NKD1: variants seen among roughly 807,000 people sequenced by gnomAD.
The protein encoded by NKD1 is protein naked cuticle homolog 1.
Under a neutral mutation model 56.0 loss-of-function variants are expected in NKD1, and 21 were observed. That is an observed-to-expected ratio of 0.38 (90% CI 0.27 to 0.54). The LOEUF (loss-of-function observed/expected upper bound fraction) is 0.54. NKD1 is among the 20% of genes least tolerant of loss of function. NKD1 has a pLI of 0.82. For synonymous variants in NKD1, 263 were observed against 265.7 expected (o/e 0.99, Z 0.10); for missense variants, 578 against 642.7 (o/e 0.90, Z 1.09).
intron 3 of NKD1, chr16:50,554,028 T>C (rs1336334361): frequency 6.6e-6 from 1 of 152,294 alleles, no homozygotes; most frequent in African/African-American, 2.4e-5. Flanking sequence ...CTTAGCGCTT[T>C]AATGGGTCTT....
chr16:50,630,100 T>C, intron 6 of NKD1, 86 bp from the exon 7 acceptor site: 6 of 1,316,070 alleles, frequency 4.6e-6, no homozygotes, highest in Non-Finnish European at 2.2e-6. Flanking sequence ...GGTTCAGGCC[T>C]GCAGCGTCCA....
intron 3 of NKD1, chr16:50,552,214 A>G (rs926229765): frequency 6.6e-6 from 1 of 152,248 alleles, no homozygotes; most frequent in African/African-American, 2.4e-5. Context: ...TTAAGTGCCT[A>G]TATGTGTCAA....
chr16:50,584,080 G>A (rs1053629904), intron 3 of NKD1, among the ~76,000 whole-genome samples: 18 of 152,228 alleles, frequency 1.2e-4, no homozygotes, highest in Non-Finnish European at 8.8e-5. Context: ...TCTGCGAGTA[G>A]GTGGGAGCTG....
At chr16:50,590,342 A>G (rs1961338202) in intron 3 of NKD1, among the ~76,000 whole-genome samples, 1 of 152,262 alleles carries the variant, frequency 6.6e-6, no homozygotes, top group Admixed American at 6.5e-5. Flanking sequence ...TGATGGAGGA[A>G]GAAAAAAATC....
intron 4 of NKD1, among the ~76,000 whole-genome samples, chr16:50,616,284 A>G (rs1961958878): frequency 6.6e-6 from 1 of 152,198 alleles, no homozygotes; most frequent in South Asian, 2.1e-4. Context: ...TTGAATTGTT[A>G]GTAATTTCTG....
intron 3 of NKD1, chr16:50,572,809 C>G (rs988181901): frequency 1.1e-6 from 1 of 874,636 alleles, no homozygotes; most frequent in African/African-American, 1.8e-5. Flanking sequence ...AAGCCAGTTT[C>G]TTTCAAGCCC....
chr16:50,579,113 A>G (rs1308151205), intron 3 of NKD1, among the ~76,000 whole-genome samples: 1 of 151,316 alleles, frequency 6.6e-6, no homozygotes, highest in Non-Finnish European at 1.5e-5. Flanking sequence ...CCCGCCACAC[A>G]TGCACTGTCT....
intron 8 of NKD1, among the ~76,000 whole-genome samples, chr16:50,631,695 G>C (rs1396743256): frequency 6.6e-6 from 1 of 152,194 alleles, no homozygotes; most frequent in Non-Finnish European, 1.5e-5. Flanking sequence ...GAGAGGGCTA[G>C]GGAGCCCCGA....
rs1039042474 is a variant in NKD1, at chr16:50,639,884, A to G, written c.*6103A>G. On this transcript the variant is annotated 3_prime_UTR_variant, in exon 10 of 10. Transcript: ENST00000268459. Reference sequence around the variant, plus strand: ...GGAGATATGAATGTCTTTCTTGAAAACTTCTCTTCCCAGTCTTCCCACTTT... The same window carrying G: ...GGAGATATGAATGTCTTTCTTGAAAGCTTCTCTTCCCAGTCTTCCCACTTT... 1.3e-5 allele frequency: 2 copies of G among 151,912 alleles called. No individual in the cohort carries two copies. The highest frequency in any genetic ancestry group is 4.8e-5 in the African/African-American group (2 of 41,330). The allele number at this position is 151,912 out of a possible 1,614,324, so 9.4% of individuals were successfully genotyped here.
rs148809522 is a variant in NKD1, at chr16:50,620,523, G to A, written c.260-1079G>A. On this transcript the variant is annotated intron_variant, in intron 4 of 9. Coordinates refer to ENST00000268459, the MANE Select transcript of NKD1 (RefSeq NM_033119.5). ...GGTGGAGGGGCCAGGGTCCCTTCCC[G>A]GAGTAGGAGCCAGGCTGTTTCTTCA... Among the ~76,000 whole-genome samples, 18 of 152,282 alleles carry A rather than the reference G, an allele frequency of 1.2e-4. No homozygotes were observed. In the East Asian group the frequency reaches 1.3e-3, roughly 11 times the overall value.
At chr16:50,629,955 C>A (rs894613586) in intron 6 of NKD1, among the ~76,000 whole-genome samples, 7 of 152,164 alleles carry the variant, frequency 4.6e-5, no homozygotes, top group African/African-American at 1.7e-4. Context: ...ATGTAACCTG[C>A]CCTTTTCCTT....
At chr16:50,584,910 G>A (rs114596254) in intron 3 of NKD1, among the ~76,000 whole-genome samples, 23 of 152,282 alleles carry the variant, frequency 1.5e-4, no homozygotes, top group Admixed American at 3.9e-4. Flanking sequence ...TCTGTAGATC[G>A]TAATGAGGCC....
chr16:50,582,393 T>C (rs935779474), intron 3 of NKD1, among the ~76,000 whole-genome samples: 2 of 152,216 alleles, frequency 1.3e-5, no homozygotes, highest in African/African-American at 4.8e-5. Context: ...CAGGGGAGTC[T>C]GGATCTTGCA....
intron 3 of NKD1, among the ~76,000 whole-genome samples, chr16:50,570,497 T>G (rs1275780409): frequency 3.9e-5 from 6 of 152,176 alleles, no homozygotes; most frequent in Admixed American, 3.3e-4. Context: ...CCAGGACCGA[T>G]TCAGATGCTG....
At chr16:50,560,059 G>A (rs965460185) in intron 3 of NKD1, among the ~76,000 whole-genome samples, 2 of 152,174 alleles carry the variant, frequency 1.3e-5, no homozygotes, top group Non-Finnish European at 2.9e-5. Flanking sequence ...TTTCCAGAGG[G>A]AGCCTTGTTC....
chr16:50,594,207 G>A (rs1457180187), intron 3 of NKD1, among the ~76,000 whole-genome samples: 1 of 152,214 alleles, frequency 6.6e-6, no homozygotes, highest in East Asian at 1.9e-4. Context: ...CCATTTTTCT[G>A]CCTCTCAGGC....
At position 50,598,895 on chromosome 16, in the gene NKD1, G is replaced by A. The variant is rs865895037; in HGVS notation, c.193-9399G>A. On this transcript the variant is annotated intron_variant, in intron 3 of 9. Coordinates refer to ENST00000268459, the MANE Select transcript of NKD1 (RefSeq NM_033119.5). This position sits in a 1 kb window ranked among gnomAD's most constrained non-coding sequence, Gnocchi z 4.2. ...GTGGTGGGGCAGGATCAGTGGTGTG[G>A]TGGGGTCAGTGGTGTGGTGGGCAGT... 6.6e-5 allele frequency among the ~76,000 whole-genome samples: 10 copies of A among 151,336 alleles called. No homozygotes were observed. Among genetic ancestry groups the A allele is most frequent in the Admixed American group, 5.3e-4 (8 of 15,214 alleles).
chr16:50,554,639 A>G (rs1206377395), intron 3 of NKD1, among the ~76,000 whole-genome samples: 1 of 151,998 alleles, frequency 6.6e-6, no homozygotes, highest in African/African-American at 2.4e-5. Flanking sequence ...TTTGTTTATT[A>G]TTATTATTTT....
At chr16:50,609,820 A>G (rs552020364) in intron 4 of NKD1, among the ~76,000 whole-genome samples, 2 of 152,334 alleles carry the variant, frequency 1.3e-5, no homozygotes, top group South Asian at 4.1e-4. Context: ...CCCCAGATCA[A>G]GGGGGAGGAG....
Sources: gnomAD v4.1 joint callset for allele counts (sites outside exome capture counted in the v4.1 genomes callset) on GRCh38, gnomAD v4.1.1 for gene constraint, Gnocchi (gnomAD v3.1) non-coding constraint, MANE v1.5 for transcripts, NCBI Gene and HGNC (gene_info 2026-07-23, HGNC 2026-07-21) for gene names.